The following CYB5R4 variants were observed in gnomAD, a reference collection of about 807,000 sequenced individuals.
The protein encoded by CYB5R4 is cytochrome b5 reductase 4, also known as N-terminal cytochrome b5 and cytochrome b5 oxidoreductase domain-containing protein.
In CYB5R4, 55 loss-of-function variants were observed where a neutral mutation model predicts 70.2. That is an observed-to-expected ratio of 0.78 (90% confidence interval 0.63 to 0.98). CYB5R4 has a LOEUF of 0.98. Ranked by LOEUF, CYB5R4 falls within the 50% of genes least tolerant of loss-of-function variation. The pLI, the probability that CYB5R4 is intolerant of heterozygous loss-of-function variation, is 0.00. For missense variants in CYB5R4, 562 were observed against 612.6 expected (o/e 0.92, Z 0.87); for synonymous variants, 197 against 199.5 (o/e 0.99, Z 0.11).
intron 2 of CYB5R4, among the ~76,000 whole-genome samples, chr6:83,872,579 A>G (rs9449708): frequency 0.15 from 23,442 of 152,190 alleles, 3,524 homozygotes; most frequent in African/African-American, 0.37. Context: ...CTGCTTTCAC[A>G]TTATCTTTTG....
At chr6:83,909,138 AT>A (rs34865790) in intron 4 of CYB5R4, 48 bp downstream of exon 4, 2,029 of 1,466,144 alleles carry the variant, frequency 1.4e-3, no homozygotes, top group African/African-American at 3.2e-3. Flanking sequence ...GTGCACATGT[AT>A]TTTTTTTTAA....
intron 10 of CYB5R4, among the ~76,000 whole-genome samples, chr6:83,929,908 C>T (rs2099467905): frequency 6.6e-6 from 1 of 152,008 alleles, no homozygotes; most frequent in South Asian, 2.1e-4. Context: ...CAGCCACTTA[C>T]AGGCACATGT....
intron 5 of CYB5R4, among the ~76,000 whole-genome samples, chr6:83,914,942 G>A (rs1479774787): frequency 1.3e-5 from 2 of 150,836 alleles, no homozygotes; most frequent in South Asian, 2.1e-4. Context: ...TACTCTTATC[G>A]TCGTGCCTTC....
intron 3 of CYB5R4, among the ~76,000 whole-genome samples, chr6:83,903,908 A>C (rs2099463385): frequency 6.6e-6 from 1 of 151,340 alleles, no homozygotes; most frequent in Non-Finnish European, 1.5e-5. Context: ...TTCATTTCTG[A>C]TTTTGTTTAC....
chr6:83,897,726 C>T (rs2099462142), intron 3 of CYB5R4, among the ~76,000 whole-genome samples: 1 of 152,130 alleles, frequency 6.6e-6, no homozygotes, highest in Non-Finnish European at 1.5e-5. Flanking sequence ...ATCCTTTGCC[C>T]ACTTTTGGAT....
intron 2 of CYB5R4, 40 bp from the exon 3 acceptor site, chr6:83,893,479 GAGA>G: frequency 8.7e-7 from 1 of 1,154,024 alleles, no homozygotes; most frequent in Non-Finnish European, 1.3e-6. Context: ...TACAATTTTT[GAGA>G]AGTTCATTTA....
At position 83,927,992 on chromosome 6, in the gene CYB5R4, GA is replaced by G. The variant is rs2099467593; in HGVS notation, c.814+3401del. Among the ~76,000 whole-genome samples the G allele has an allele frequency of 1.1e-4, 17 of 152,258 alleles. No homozygotes were observed. The South Asian group carries it at 3.5e-3, about 32-fold the overall frequency. ...TCAGGGATTTAGGAATTCTGTTTAAGACACTTGTAGTACTTAGGAGATTACA... is the reference window on the plus strand; with the variant it reads ...TCAGGGATTTAGGAATTCTGTTTAAGCACTTGTAGTACTTAGGAGATTACA... On this transcript the variant is annotated intron_variant, in intron 10 of 15. Coordinates refer to ENST00000369681, the MANE Select transcript of CYB5R4 (RefSeq NM_016230.4).
chr6:83,900,869 G>A (rs557714259), intron 3 of CYB5R4, among the ~76,000 whole-genome samples: 10 of 152,192 alleles, frequency 6.6e-5, no homozygotes, highest in African/African-American at 1.7e-4. Context: ...GTCTCTGCAC[G>A]TGAGATGGGT....
intron 2 of CYB5R4, among the ~76,000 whole-genome samples, chr6:83,880,063 G>A (rs1440927131): frequency 6.6e-6 from 1 of 152,176 alleles, no homozygotes; most frequent in Non-Finnish European, 1.5e-5. Flanking sequence ...GGTGAGAGCA[G>A]TGTTTTCTTG....
chr6:83,922,344 A>G, intron 8 of CYB5R4, 94 bp from the exon 9 acceptor site: 1 of 858,546 alleles, frequency 1.2e-6, no homozygotes, highest in South Asian at 2.1e-5. Flanking sequence ...GGGATTTGAA[A>G]TAGTACATAA....
intron 12 of CYB5R4, 34 bp from the exon 13 acceptor site, chr6:83,940,022 T>G (rs201884341): frequency 2.9e-5 from 43 of 1,470,752 alleles, no homozygotes; most frequent in Admixed American, 7.0e-5. Flanking sequence ...TTTGTTTTTT[T>G]TTTTTCTGAT....
rs535689350 is a variant in CYB5R4 at position 83,918,118 on chromosome 6, G to A, written c.506+53G>A. The stretch of plus-strand genomic sequence containing the variant: ...AGTTAAATCAATTATGTACAAAAAT[G>A]TACACATTTAAAAAATAAAGTAGCT... On this transcript the variant is annotated intron_variant, in intron 6 of 15. Transcript: ENST00000369681. 1.6e-4 allele frequency: 213 copies of A among 1,352,276 alleles called. 1 individual carries two copies. In the South Asian group the frequency reaches 1.8e-3, roughly 12 times the overall value. The allele number at this position is 1,352,276 out of a possible 1,614,324, so 83.8% of individuals were successfully genotyped here.
At position 83,944,993 on chromosome 6, in the gene CYB5R4, A is replaced by C. The variant is rs532854075; in HGVS notation, c.1346+4392A>C. 3.9e-5 allele frequency among the ~76,000 whole-genome samples: 6 copies of C among 151,996 alleles called. No homozygotes were observed. In the South Asian group the frequency reaches 1.2e-3, roughly 32 times the overall value. ...TAATAGTGGGAGACTTTAACACCCT[A>C]CTGTCAATATTAGACAGATCAATGA... On this transcript the variant is annotated intron_variant, in intron 14 of 15. Coordinates refer to ENST00000369681, the MANE Select transcript of CYB5R4 (RefSeq NM_016230.4).
intron 2 of CYB5R4, among the ~76,000 whole-genome samples, chr6:83,869,366 T>G (rs1321460565): frequency 6.6e-6 from 1 of 152,232 alleles, no homozygotes; most frequent in African/African-American, 2.4e-5. Context: ...TTTACCTACT[T>G]GCTAAACTGC....
chr6:83,892,276 C>T (rs1203597899), intron 2 of CYB5R4, among the ~76,000 whole-genome samples: 1 of 152,086 alleles, frequency 6.6e-6, no homozygotes, highest in Non-Finnish European at 1.5e-5. Context: ...TAATATATAG[C>T]TGGTCAAAAA....
intron 3 of CYB5R4, among the ~76,000 whole-genome samples, chr6:83,908,511 A>G (rs1199232769): frequency 6.6e-6 from 1 of 152,224 alleles, no homozygotes; most frequent in Non-Finnish European, 1.5e-5. Context: ...CCAAGGGTCA[A>G]AATTTAATTA....
At chr6:83,882,129 GA>G (rs1208592220) in intron 2 of CYB5R4, among the ~76,000 whole-genome samples, 2 of 152,128 alleles carry the variant, frequency 1.3e-5, no homozygotes, top group Non-Finnish European at 2.9e-5. Flanking sequence ...GATGACTGGT[GA>G]ACAGTCATCT....
chr6:83,907,150 A>G (rs1178185353), intron 3 of CYB5R4, among the ~76,000 whole-genome samples: 1 of 152,050 alleles, frequency 6.6e-6, no homozygotes, highest in Non-Finnish European at 1.5e-5. Context: ...TGATCAGCTT[A>G]CTGCAACCTC....
chr6:83,907,756 A>G (rs2099464033), intron 3 of CYB5R4, among the ~76,000 whole-genome samples: 1 of 152,062 alleles, frequency 6.6e-6, no homozygotes, highest in African/African-American at 2.4e-5. Context: ...GTGTTAGTTT[A>G]CTAAGGATAA....
Sources: gnomAD v4.1 joint callset for allele counts (sites outside exome capture counted in the v4.1 genomes callset) on GRCh38, gnomAD v4.1.1 for gene constraint, MANE v1.5 for transcripts, NCBI Gene and HGNC (gene_info 2026-07-23, HGNC 2026-07-21) for gene names.